The following ANO3 variants were observed in gnomAD, a reference collection of about 807,000 sequenced individuals.
ANO3 encodes the protein anoctamin 3, also known as anoctamin-3.
Under a neutral mutation model 144.8 loss-of-function variants are expected in ANO3, and 99 were observed. The observed-to-expected ratio is 0.68, with a 90% CI of 0.58 to 0.81. The LOEUF (loss-of-function observed/expected upper bound fraction) is 0.81, where lower values mean the gene tolerates loss of function less well. Ranked by LOEUF, ANO3 falls within the 30% of genes least tolerant of loss-of-function variation. ANO3 has a pLI of 0.00. For synonymous variants in ANO3, 414 were observed against 392.6 expected, an observed-to-expected ratio of 1.05 and a Z score of -0.64; for missense variants, 905 against 1,202.2, an observed-to-expected ratio of 0.75 and a Z score of 3.66.
chr11:26,315,642 GACCT>G (rs796248641), intron 1 of ANO3, among the ~76,000 whole-genome samples: 151 of 150,862 alleles, frequency 1.0e-3, no homozygotes, highest in African/African-American at 2.8e-3. Flanking sequence ...TGCAAATCTG[GACCT>G]ATCTATCTGT....
intron 1 of ANO3, among the ~76,000 whole-genome samples, chr11:26,271,084 C>G (rs960260344): frequency 6.6e-6 from 1 of 152,124 alleles, no homozygotes. Context: ...AGCTAAGGGC[C>G]TAGATTTAAT....
chr11:26,602,355 A>G (rs1019801090), intron 17 of ANO3, among the ~76,000 whole-genome samples: 2 of 152,172 alleles, frequency 1.3e-5, no homozygotes, highest in African/African-American at 2.4e-5. Flanking sequence ...GTGGGAAGCC[A>G]TACTTGATGG....
chr11:26,390,452 C>T (rs1275431403), intron 1 of ANO3, among the ~76,000 whole-genome samples: 1 of 152,036 alleles, frequency 6.6e-6, no homozygotes, highest in Non-Finnish European at 1.5e-5. Context: ...ACAATTTCAT[C>T]ATCACTTCTT....
At chr11:26,560,147 CT>C (rs1451795021) in intron 14 of ANO3, 2 of 185,556 alleles carry the variant, frequency 1.1e-5, no homozygotes, top group African/African-American at 4.7e-5. Context: ...TTCCATTCAT[CT>C]TTTTTAACCT....
At chr11:26,448,715 T>A (rs554739434) in intron 3 of ANO3, among the ~76,000 whole-genome samples, 1 of 142,176 alleles carries the variant, frequency 7.0e-6, no homozygotes, top group African/African-American at 2.6e-5. Flanking sequence ...GGAATTACAC[T>A]GAAGGAACAT....
intron 13 of ANO3, among the ~76,000 whole-genome samples, chr11:26,553,560 C>T (rs534238202): frequency 1.6e-4 from 25 of 152,106 alleles, no homozygotes; most frequent in Non-Finnish European, 1.5e-4. Context: ...GTTTTTATAA[C>T]TGATTTTTGC....
chr11:26,352,977 A>G (rs1204427800), intron 1 of ANO3, among the ~76,000 whole-genome samples: 1 of 152,244 alleles, frequency 6.6e-6, no homozygotes, highest in Non-Finnish European at 1.5e-5. Context: ...GAAATAACTC[A>G]AAAATGAGTC....
At chr11:26,249,565 T>C (rs1195688460) in intron 1 of ANO3, among the ~76,000 whole-genome samples, 1 of 151,916 alleles carries the variant, frequency 6.6e-6, no homozygotes, top group Non-Finnish European at 1.5e-5. Flanking sequence ...AACTCATGAT[T>C]TTTTTTAAAA....
At chr11:26,231,478 A>G in intron 1 of ANO3, among the ~76,000 whole-genome samples, 1 of 152,210 alleles carries the variant, frequency 6.6e-6, no homozygotes. Flanking sequence ...GACTTGTCCA[A>G]CTTTGTCTCT....
At chr11:26,526,068 T>G (rs1003803365) in intron 7 of ANO3, among the ~76,000 whole-genome samples, 6 of 152,136 alleles carry the variant, frequency 3.9e-5, no homozygotes, top group Admixed American at 6.6e-5. Context: ...TTCTCTCATT[T>G]GAAAGAAGTG....
chr11:26,507,367 A>G (rs904931246), intron 4 of ANO3, among the ~76,000 whole-genome samples: 2 of 152,170 alleles, frequency 1.3e-5, no homozygotes, highest in Non-Finnish European at 2.9e-5. Context: ...TTGGGCAGAG[A>G]CCATTAAAAA....
At chr11:26,389,495 AATAT>A (rs145764733) in intron 1 of ANO3, among the ~76,000 whole-genome samples, 1 of 151,828 alleles carries the variant, frequency 6.6e-6, no homozygotes, top group South Asian at 2.1e-4. Flanking sequence ...GCACAATATA[AATAT>A]ATATATATGC....
rs141713561 is a variant in ANO3 at position 26,543,200 on chromosome 11, AGAC to A, written c.1154+1133_1154+1135del. On this transcript the variant is annotated intron_variant, in intron 11 of 26. Coordinates refer to ENST00000256737, the MANE Select transcript of ANO3 (RefSeq NM_031418.4). ...GAAACAAGCTATGACCTTAGGAAGA[AGAC>A]AGCCACGGCCAAACCATGGCCCAAG... Among the ~76,000 whole-genome samples the A allele has an allele frequency of 1.2e-3, 190 of 152,220 alleles. 1 individual carries two copies. Among genetic ancestry groups the A allele is most frequent in the Non-Finnish European group, 2.4e-3 (161 of 67,980 alleles).
Position 26,647,798 on chromosome 11 carries a change from C to T in ANO3, c.2518C>T (p.Arg840Cys), listed in dbSNP as rs1214258757. 1 of 1,613,186 alleles carries T rather than the reference C, an allele frequency of 6.2e-7. No homozygotes were observed. Among genetic ancestry groups the T allele is most frequent in the Non-Finnish European group, 8.5e-7 (1 of 1,179,394 alleles). Residue 840 changes from arginine to cysteine, a missense_variant, in exon 24 of 27, where the codon CGT becomes TGT. Arg to Cys is a radical substitution (Grantham distance 180). This residue lies in a region of ANO3 where 597 missense variants were observed against 865.1 expected (regional missense o/e 0.69). Transcript: ENST00000256737. ...VIAITSDYIPRFVYEYKYGPC... is the reference protein window; with the variant it reads ...VIAITSDYIPCFVYEYKYGPC... ...TGCTATTACTTCTGATTACATCCCA[C>T]GTTTTGTTTATGAATACAAATATGG...
chr11:26,258,086 C>T (rs1451668008), intron 1 of ANO3, among the ~76,000 whole-genome samples: 1 of 152,030 alleles, frequency 6.6e-6, no homozygotes, highest in African/African-American at 2.4e-5. Context: ...CTGTTAATAA[C>T]ACAATATTTT....
At chr11:26,304,349 T>C (rs1345258881) in intron 1 of ANO3, among the ~76,000 whole-genome samples, 2 of 152,164 alleles carry the variant, frequency 1.3e-5, no homozygotes, top group African/African-American at 4.8e-5. Flanking sequence ...ATATGTAATA[T>C]AACTAGGACC....
chr11:26,288,783 T>C (rs1277972912), intron 1 of ANO3, among the ~76,000 whole-genome samples: 1 of 152,024 alleles, frequency 6.6e-6, no homozygotes, highest in Non-Finnish European at 1.5e-5. Context: ...TAGTCAACAC[T>C]GGCATTTTTA....
chr11:26,603,035 A>T (rs753799904), intron 17 of ANO3, among the ~76,000 whole-genome samples: 1 of 152,226 alleles, frequency 6.6e-6, no homozygotes, highest in Non-Finnish European at 1.5e-5. Context: ...CAGTCTTATC[A>T]TAGGCACCGT....
intron 1 of ANO3, among the ~76,000 whole-genome samples, chr11:26,266,810 G>T (rs1447952949): frequency 6.6e-6 from 1 of 151,634 alleles, no homozygotes; most frequent in Non-Finnish European, 1.5e-5. Flanking sequence ...AGCCGGGTGT[G>T]GTGGCTCACA....
Sources: gnomAD v4.1 joint callset for allele counts (sites outside exome capture counted in the v4.1 genomes callset) on GRCh38, gnomAD v4.1.1 for gene constraint, gnomAD v4.1.1 regional missense constraint, MANE v1.5 for transcripts, NCBI Gene and HGNC (gene_info 2026-07-23, HGNC 2026-07-21) for gene names.